Variants in ADAMTS12 observed in about 807,000 individuals in gnomAD.
ADAMTS12 encodes ADAM metallopeptidase with thrombospondin type 1 motif 12, also known as A disintegrin and metalloproteinase with thrombospondin motifs 12.
A neutral mutation model predicts 167.8 loss-of-function variants in ADAMTS12; 118 were observed. The observed-to-expected ratio is 0.70, with a 90% CI of 0.61 to 0.82. The LOEUF is 0.82. ADAMTS12 is among the 40% of genes least tolerant of loss of function. The pLI is 0.00. For missense variants in ADAMTS12, 1,916 were observed against 1,998.8 expected (o/e 0.96, Z 0.79); for synonymous variants, 704 against 716.9 (o/e 0.98, Z 0.29).
At chr5:33,834,695 C>T (rs1748440445) in intron 2 of ADAMTS12, among the ~76,000 whole-genome samples, 1 of 152,182 alleles carries the variant, frequency 6.6e-6, no homozygotes, top group African/African-American at 2.4e-5. Flanking sequence ...TACCTTTCAC[C>T]CAAGTTCCCT....
intron 2 of ADAMTS12, among the ~76,000 whole-genome samples, chr5:33,800,494 G>A (rs1746956214): frequency 6.6e-6 from 1 of 152,164 alleles, no homozygotes; most frequent in African/African-American, 2.4e-5. Flanking sequence ...ATGAGTTTTG[G>A]CCGTTTCCCA....
At chr5:33,764,605 A>G (rs1389844196) in intron 2 of ADAMTS12, among the ~76,000 whole-genome samples, 1 of 152,188 alleles carries the variant, frequency 6.6e-6, no homozygotes, top group Non-Finnish European at 1.5e-5. Flanking sequence ...TTTTTCCTTC[A>G]TAAGAATTAA....
At position 33,576,890 on chromosome 5, in the gene ADAMTS12, G is replaced by A. The variant is rs1561140113; in HGVS notation, c.3136C>T (p.Pro1046Ser). The A allele has an allele frequency of 6.2e-7, 1 of 1,614,208 alleles. No homozygotes were observed. Among genetic ancestry groups the A allele is most frequent in the Non-Finnish European group, 8.5e-7 (1 of 1,180,032 alleles). The change falls in exon 19 of 24, where the codon CCA becomes TCA. Residue 1046 changes from proline (P) to serine (S), a missense_variant. Physicochemically the swap from Pro to Ser is moderately conservative, Grantham distance 74. Coordinates refer to ENST00000504830, the MANE Select transcript of ADAMTS12 (RefSeq NM_030955.4). ...GTAGGACTAGGGCTGCTGATTGCTG[G>A]AGTGCTTGTGCTCATAGACTCAGGC... ...TGPESMSTSTPAISSPSPTTA... is the reference protein window; with the variant it reads ...TGPESMSTSTSAISSPSPTTA...
chr5:33,736,248 T>C (rs10054552), intron 3 of ADAMTS12, among the ~76,000 whole-genome samples: 7,199 of 151,900 alleles, frequency 0.047, 594 homozygotes, highest in African/African-American at 0.17. Flanking sequence ...TTTTTAGTAG[T>C]GATGGGGTTT....
intron 2 of ADAMTS12, among the ~76,000 whole-genome samples, chr5:33,804,351 C>T (rs1173714090): frequency 6.6e-6 from 1 of 152,198 alleles, no homozygotes; most frequent in African/African-American, 2.4e-5. Flanking sequence ...TCACCTTCTG[C>T]ACCCCCATCA....
At chr5:33,799,886 A>G (rs1327886155) in intron 2 of ADAMTS12, among the ~76,000 whole-genome samples, 1 of 152,164 alleles carries the variant, frequency 6.6e-6, no homozygotes, top group African/African-American at 2.4e-5. Flanking sequence ...CAATCCAGAT[A>G]AGGGCAACTG....
intron 3 of ADAMTS12, among the ~76,000 whole-genome samples, chr5:33,715,353 T>C (rs1028536365): frequency 6.6e-6 from 1 of 152,106 alleles, no homozygotes; most frequent in Non-Finnish European, 1.5e-5. Flanking sequence ...TCTTCAGACC[T>C]TAGCAAGTTT....
intron 7 of ADAMTS12, among the ~76,000 whole-genome samples, chr5:33,657,074 A>T (rs1186489459): frequency 6.6e-6 from 1 of 152,208 alleles, no homozygotes; most frequent in East Asian, 1.9e-4. Flanking sequence ...GGTGAAGGGA[A>T]TTATCTAAGG....
At position 33,698,926 on chromosome 5, in the gene ADAMTS12, G is replaced by A. The variant is rs549735592; in HGVS notation, c.635-14871C>T. On this transcript the variant is annotated intron_variant, in intron 3 of 23. Transcript: ENST00000504830. ...AATCCCAGCACTTTGGGAGGCCAAG[G>A]TGGGTGGATCACCTGAGGTCAGGAG... Among the ~76,000 whole-genome samples, 3 of 152,304 alleles carry A rather than the reference G, an allele frequency of 2.0e-5. No individual in the cohort carries two copies. The South Asian group carries it at 6.2e-4, about 32-fold the overall frequency.
chr5:33,820,799 G>A (rs570948148), intron 2 of ADAMTS12, among the ~76,000 whole-genome samples: 74 of 152,272 alleles, frequency 4.9e-4, no homozygotes, highest in African/African-American at 1.8e-3. Context: ...GCATGAAAAA[G>A]AACAAGATCA....
At chr5:33,647,624 G>A (rs1340931238) in intron 9 of ADAMTS12, among the ~76,000 whole-genome samples, 1 of 152,168 alleles carries the variant, frequency 6.6e-6, no homozygotes, top group South Asian at 2.1e-4. Flanking sequence ...CCAGCTACTT[G>A]GGAGGCTGAG....
intron 2 of ADAMTS12, among the ~76,000 whole-genome samples, chr5:33,813,054 G>GA (rs754478659): frequency 7.9e-4 from 120 of 152,314 alleles, no homozygotes; most frequent in Middle Eastern, 6.8e-3. Context: ...TTCAAAAACA[G>GA]AAAAAACTAA....
intron 1 of ADAMTS12, chr5:33,891,476 C>T (rs889324): frequency 0.072 from 32,919 of 458,514 alleles, 2,196 homozygotes; most frequent in East Asian, 0.23. Context: ...TTGGGTCTTT[C>T]AAAGACTGCA....
chr5:33,886,755 A>G (rs769821676), intron 1 of ADAMTS12, among the ~76,000 whole-genome samples: 1 of 152,102 alleles, frequency 6.6e-6, no homozygotes, highest in Non-Finnish European at 1.5e-5. Flanking sequence ...ATGGCAGCCC[A>G]TAGGTGTGGA....
intron 2 of ADAMTS12, among the ~76,000 whole-genome samples, chr5:33,757,917 C>T (rs1484539882): frequency 2.6e-5 from 4 of 152,084 alleles, no homozygotes; most frequent in Admixed American, 6.5e-5. Context: ...CATCGTCTAC[C>T]GCAAACACAG....
intron 2 of ADAMTS12, among the ~76,000 whole-genome samples, chr5:33,823,493 A>G (rs1360160406): frequency 6.6e-6 from 1 of 152,180 alleles, no homozygotes; most frequent in Non-Finnish European, 1.5e-5. Flanking sequence ...ATAATGATCA[A>G]TGGTGACTAC....
At chr5:33,768,358 GAAGT>G in intron 2 of ADAMTS12, among the ~76,000 whole-genome samples, 1 of 152,296 alleles carries the variant, frequency 6.6e-6, no homozygotes, top group East Asian at 1.9e-4. Context: ...TAGCTACAGA[GAAGT>G]AATAACATCA....
rs1175966622 is a variant in ADAMTS12, at chr5:33,523,577, A to C, written c.*3611T>G. The stretch of plus-strand genomic sequence containing the variant: ...TGATGCCACACAGAGGGAGGTTATG[A>C]TTACAGTCTGGTTTTAAGTACTGAA... On this transcript the variant is annotated 3_prime_UTR_variant, in exon 24 of 24. Coordinates refer to ENST00000504830, the MANE Select transcript of ADAMTS12 (RefSeq NM_030955.4). The C allele has an allele frequency of 6.6e-6, 1 of 152,172 alleles. No homozygotes were observed. Among genetic ancestry groups the C allele is most frequent in the East Asian group, 1.9e-4 (1 of 5,198 alleles). The allele number at this position is 152,172 out of a possible 1,614,324, so 9.4% of individuals were successfully genotyped here. A position where few individuals can be genotyped will look rare whatever the true frequency, so the allele number is the denominator to read the frequency against.
At chr5:33,560,778 G>T in intron 20 of ADAMTS12, among the ~76,000 whole-genome samples, 1 of 120,410 alleles carries the variant, frequency 8.3e-6, no homozygotes, top group Non-Finnish European at 1.7e-5. Flanking sequence ...TGTGGGGTGG[G>T]GGGAGGGGGG....
Sources: allele counts gnomAD v4.1 joint callset (sites outside exome capture counted in the v4.1 genomes callset), GRCh38; gene constraint gnomAD v4.1.1; transcripts MANE v1.5; gene names NCBI Gene and HGNC (gene_info 2026-07-23, HGNC 2026-07-21).